The following LRP2 variants were observed in gnomAD, a reference collection of about 807,000 sequenced individuals.
LRP2 encodes low-density lipoprotein receptor-related protein 2.
LRP2 carries 172 observed loss-of-function variants against 531.0 expected under a neutral mutation model. The observed-to-expected ratio is 0.32, with a 90% CI of 0.29 to 0.37. The LOEUF (loss-of-function observed/expected upper bound fraction) is 0.37, where lower values mean the gene tolerates loss of function less well. Ranked by LOEUF, LRP2 falls within the 10% of genes least tolerant of loss-of-function variation. The probability of loss-of-function intolerance (pLI) is 1.00; values close to 1 mark genes in which losing one functional copy is unlikely to be tolerated. For missense variants in LRP2, 5,167 were observed against 5,868.3 expected, an observed-to-expected ratio of 0.88 and a Z score of 3.90; for synonymous variants, 1,992 against 2,027.6, an observed-to-expected ratio of 0.98 and a Z score of 0.47.
intron 50 of LRP2, chr2:169,182,543 T>C: frequency 7.1e-7 from 1 of 1,411,862 alleles, no homozygotes; most frequent in Non-Finnish European, 9.2e-7. Context: ...TAAGGTGGTG[T>C]CATGTAGAAA....
intron 34 of LRP2, 116 bp downstream of exon 34, chr2:169,220,338 A>AT: frequency 3.9e-6 from 3 of 766,620 alleles, no homozygotes; most frequent in African/African-American, 1.7e-5. Flanking sequence ...TATTTTTCAA[A>AT]TGTTGACATA....
At position 169,216,123 on chromosome 2, in the gene LRP2, G is replaced by C. The variant is rs1342973472; in HGVS notation, c.5826+130C>G. On this transcript the variant is annotated intron_variant, in intron 35 of 78. Coordinates refer to ENST00000649046, the MANE Select transcript of LRP2 (RefSeq NM_004525.3). ...CAAGGGAGAGAAGTTATTGGGAGAA[G>C]GGGCAATGAAACACTGGTACAAGTT... 2.3e-5 allele frequency: 22 copies of C among 939,198 alleles called. No homozygotes were observed. The East Asian group carries it at 5.5e-4, about 24-fold the overall frequency. 58.2% of individuals were successfully genotyped at this position (939,198 alleles called of 1,614,324 possible). A position where few individuals can be genotyped will look rare whatever the true frequency, so the allele number is the denominator to read the frequency against.
At chr2:169,351,386 C>T (rs6713072) in intron 1 of LRP2, among the ~76,000 whole-genome samples, 58,073 of 151,884 alleles carry the variant, frequency 0.38, 11,653 homozygotes, top group South Asian at 0.54. Context: ...TAATGTGGAA[C>T]AGAGGATTTC....
intron 16 of LRP2, among the ~76,000 whole-genome samples, chr2:169,262,584 T>G (rs370225914): frequency 2.0e-5 from 3 of 149,558 alleles, no homozygotes; most frequent in East Asian, 3.9e-4. Context: ...CACTGCTCAA[T>G]GAAATAAAAG....
chr2:169,307,727 C>A (rs530622864), intron 3 of LRP2, among the ~76,000 whole-genome samples: 2 of 152,212 alleles, frequency 1.3e-5, no homozygotes, highest in South Asian at 2.1e-4. Context: ...GACCCCCAAC[C>A]CACCCATTGA....
chr2:169,188,046 A>G lies in LRP2; in HGVS notation c.9252T>C (p.Asn3084=), dbSNP rs867673374. ...TCPPHEFKCD[N]GRCIEMMKLC... is the part of the protein sequence containing the mutation. Reference sequence around the variant, plus strand: ...GTTTCATCATCTCGATGCAGCGCCCATTGTCACACTTGAACTCGTGAGGTG... The same window carrying G: ...GTTTCATCATCTCGATGCAGCGCCCGTTGTCACACTTGAACTCGTGAGGTG... The change falls in exon 49 of 79, where the codon AAT becomes AAC. Residue 3084 remains asparagine, a synonymous_variant. Transcript: ENST00000649046. 6.2e-7 allele frequency: 1 copy of G among 1,613,966 alleles called. No homozygotes were observed. The highest frequency in any genetic ancestry group is 1.3e-5 in the African/African-American group (1 of 74,948).
intron 1 of LRP2, among the ~76,000 whole-genome samples, chr2:169,350,435 A>G (rs1046067107): frequency 6.6e-6 from 1 of 152,112 alleles, no homozygotes; most frequent in Admixed American, 6.6e-5. Flanking sequence ...GGAGTCCTCA[A>G]AAGTATGGGG....
chr2:169,285,954 C>T (rs554955370), intron 9 of LRP2, among the ~76,000 whole-genome samples: 3 of 152,122 alleles, frequency 2.0e-5, no homozygotes, highest in East Asian at 1.9e-4. Flanking sequence ...CTGTGTAATG[C>T]GTCAGCCATG....
chr2:169,337,537 A>T (rs1472176662), intron 1 of LRP2, among the ~76,000 whole-genome samples: 3 of 152,218 alleles, frequency 2.0e-5, no homozygotes, highest in African/African-American at 7.2e-5. Flanking sequence ...ATTAATCTGG[A>T]CTGAAGAAAA....
At chr2:169,351,310 T>C (rs1201064020) in intron 1 of LRP2, among the ~76,000 whole-genome samples, 2 of 152,146 alleles carry the variant, frequency 1.3e-5, no homozygotes, top group African/African-American at 4.8e-5. Context: ...ACAGTGGATA[T>C]AGGCACATCT....
In LRP2 at chr2:169,173,138, C is replaced by T; in HGVS notation, c.11101G>A (p.Gly3701Ser). 1.9e-6 allele frequency: 3 copies of T among 1,614,192 alleles called. No homozygotes were observed. Among genetic ancestry groups the T allele is most frequent in the Non-Finnish European group, 2.5e-6 (3 of 1,180,044 alleles). The change falls in exon 57 of 79, where the codon GGT becomes AGT. Residue 3701 changes from glycine (G) to serine (S), a missense_variant. Gly to Ser is a moderately conservative substitution (Grantham distance 56). Transcript: ENST00000649046. ...CTGTTGTCCCTGCAGTCATCTACAC[C>T]ATTGCACACGGCCCACTTTGGGATG... ...RCIPKWAVCN[G>S]VDDCRDNSDE...
Position 169,244,806 on chromosome 2 carries a change from G to A in LRP2, c.3317C>T (p.Pro1106Leu), listed in dbSNP as rs1273273595. 1 of 1,614,236 alleles carries A rather than the reference G, an allele frequency of 6.2e-7. No individual in the cohort carries two copies. The highest frequency in any genetic ancestry group is 8.5e-7 in the Non-Finnish European group (1 of 1,180,054). Residue 1106 changes from proline to leucine, a missense_variant, in exon 22 of 79, where the codon CCT (proline) becomes CTT (leucine). Physicochemically the swap from Pro to Leu is moderately conservative, Grantham distance 98 (BLOSUM62 -3). This residue lies in a region of LRP2 where 2,811 missense variants were observed against 3,058.0 expected (regional missense o/e 0.92). Transcript: ENST00000649046. ...SDEHNCPTHA[P>L]ASCLDTQYTC... ...GTATTGGGTGTCAAGGCAGGAAGCA[G>A]GTGCGTGGGTGGGGCAGTTGTGCTC... is the stretch of plus-strand genomic sequence containing the variant.
chr2:169,267,137 G>A (rs961260825), intron 16 of LRP2, among the ~76,000 whole-genome samples: 9 of 151,576 alleles, frequency 5.9e-5, no homozygotes, highest in East Asian at 3.9e-4. Flanking sequence ...CAATCCTCCC[G>A]TCTCGGTTCC....
At chr2:169,220,179 T>A (rs941778519) in intron 34 of LRP2, among the ~76,000 whole-genome samples, 1 of 152,244 alleles carries the variant, frequency 6.6e-6, no homozygotes. Flanking sequence ...ATTCTTATAA[T>A]GCTATTTTAA....
At chr2:169,314,217 T>C (rs1442555595) in intron 3 of LRP2, among the ~76,000 whole-genome samples, 6 of 150,616 alleles carry the variant, frequency 4.0e-5, no homozygotes, top group Admixed American at 6.6e-5. Context: ...GGCAACATAG[T>C]GAGATCCTTA....
chr2:169,148,618 A>G (rs1686008220), intron 68 of LRP2, among the ~76,000 whole-genome samples: 1 of 152,264 alleles, frequency 6.6e-6, no homozygotes, highest in South Asian at 2.1e-4. Flanking sequence ...ACAGAGCAAG[A>G]CCCTGTCTAT....
intron 1 of LRP2, among the ~76,000 whole-genome samples, chr2:169,348,698 T>C (rs368829832): frequency 1.2e-4 from 19 of 152,206 alleles, no homozygotes; most frequent in African/African-American, 4.3e-4. Flanking sequence ...CCATTCTGTA[T>C]GTACAGGGGA....
At chr2:169,308,636 G>C (rs1260180400) in intron 3 of LRP2, among the ~76,000 whole-genome samples, 1 of 152,106 alleles carries the variant, frequency 6.6e-6, no homozygotes, top group Non-Finnish European at 1.5e-5. Flanking sequence ...TGGACTTTTG[G>C]GTTGGTCCCA....
In LRP2 at chr2:169,177,813, C is replaced by T. The variant is rs756145482; in HGVS notation, c.10383G>A (p.Arg3461=). The part of the protein sequence containing the change: ...PFDIHVYHPY[R]QPIVSNPCGT... ...CAATCACCTACTCACCAATGGGCTG[C>T]CTATATGGATGGTACACATGGATGT... The change falls in exon 53 of 79, where the codon AGG becomes AGA. Residue 3461 remains arginine, a synonymous_variant. Coordinates refer to ENST00000649046, the MANE Select transcript of LRP2 (RefSeq NM_004525.3). The T allele has an allele frequency of 1.9e-6, 3 of 1,614,160 alleles. No individual in the cohort carries two copies. The highest frequency in any genetic ancestry group is 2.5e-6 in the Non-Finnish European group (3 of 1,179,990).
Sources: gnomAD v4.1 joint callset for allele counts (sites outside exome capture counted in the v4.1 genomes callset) on GRCh38, gnomAD v4.1.1 for gene constraint, gnomAD v4.1.1 regional missense constraint, MANE v1.5 for transcripts, NCBI Gene and HGNC (gene_info 2026-07-23, HGNC 2026-07-21) for gene names.